The following LDLRAD4 variants were observed in gnomAD, a reference collection of about 807,000 sequenced individuals.
LDLRAD4 encodes low density lipoprotein receptor class A domain containing 4, also known as low-density lipoprotein receptor class A domain-containing protein 4.
In LDLRAD4, 5 loss-of-function variants were observed where a neutral mutation model predicts 17.0. The ratio of observed to expected loss-of-function variants is 0.29; its 90% confidence interval spans 0.15 to 0.62. The LOEUF is 0.62. Among genes scored for constraint, LDLRAD4 ranks in the 20% least tolerant of loss-of-function variants. The pLI, the probability that LDLRAD4 is intolerant of heterozygous loss-of-function variation, is 0.84. For missense variants in LDLRAD4, 340 were observed against 424.7 expected (o/e 0.80, Z 1.75); for synonymous variants, 168 against 171.8 (o/e 0.98, Z 0.17).
intron 1 of LDLRAD4, among the ~76,000 whole-genome samples, chr18:13,246,656 G>A (rs1272529525): frequency 6.6e-6 from 1 of 152,234 alleles, no homozygotes; most frequent in Non-Finnish European, 1.5e-5. Flanking sequence ...TGATCCATGG[G>A]CTTAGAATCC....
intron 1 of LDLRAD4, among the ~76,000 whole-genome samples, chr18:13,265,690 G>A (rs2146034593): frequency 6.6e-6 from 1 of 152,280 alleles, no homozygotes; most frequent in East Asian, 1.9e-4. Context: ...CCGAGGACTT[G>A]TCACTCAGTC....
At chr18:13,392,812 TA>T (rs2086376673) in intron 2 of LDLRAD4, among the ~76,000 whole-genome samples, 1 of 152,224 alleles carries the variant, frequency 6.6e-6, no homozygotes, top group South Asian at 2.1e-4. Flanking sequence ...CTATAGAATT[TA>T]TAGCGAGTCT....
At chr18:13,400,265 AAAGAG>A (rs1358386221) in intron 2 of LDLRAD4, among the ~76,000 whole-genome samples, 1 of 152,204 alleles carries the variant, frequency 6.6e-6, no homozygotes, top group Non-Finnish European at 1.5e-5. Flanking sequence ...GCGTGGGGTA[AAAGAG>A]AGGGAATCAT....
rs2039742196 is a variant in LDLRAD4 at position 13,612,957 on chromosome 18, T to C, written c.182-8160T>C. 4 of 613,426 alleles carry C rather than the reference T, an allele frequency of 6.5e-6. No homozygotes were observed. The East Asian group carries it at 1.1e-4, about 17-fold the overall frequency. 38.0% of individuals were successfully genotyped at this position (613,426 alleles called of 1,614,324 possible). ...CCGGGTGGGACTCCCTTTAGGAAGATGCATGTCAGGCTTTTTCATCTTCTT... is the reference window on the plus strand; with the variant it reads ...CCGGGTGGGACTCCCTTTAGGAAGACGCATGTCAGGCTTTTTCATCTTCTT... On this transcript the variant is annotated intron_variant, in intron 3 of 5. Coordinates refer to ENST00000359446, the Ensembl canonical transcript of LDLRAD4.
chr18:13,621,086 G>A lies in LDLRAD4; in HGVS notation c.182-31G>A, dbSNP rs376779198. 1.9e-6 allele frequency: 3 copies of A among 1,614,038 alleles called. No individual in the cohort carries two copies. The highest frequency in any genetic ancestry group is 2.5e-6 in the Non-Finnish European group (3 of 1,179,994). ...GAATGGGTGGGGACTGGAGGGGCCA[G>A]GTGGCTAACCACTCTCCTCTTCCAT... On this transcript the variant is annotated intron_variant, in intron 3 of 5. Transcript: ENST00000359446. This position sits in a 1 kb window ranked among gnomAD's most constrained non-coding sequence, Gnocchi z 5.5.
chr18:13,342,861 C>G (rs547178305), intron 1 of LDLRAD4, among the ~76,000 whole-genome samples: 1 of 151,726 alleles, frequency 6.6e-6, no homozygotes, highest in African/African-American at 2.4e-5. Flanking sequence ...TAATTACGGA[C>G]AGGGAAGGAT....
At chr18:13,599,130 G>T (rs541496726) in intron 3 of LDLRAD4, among the ~76,000 whole-genome samples, 1 of 152,346 alleles carries the variant, frequency 6.6e-6, no homozygotes, top group East Asian at 1.9e-4. Flanking sequence ...GGGACGTGCT[G>T]TGCTTGCCTT....
At chr18:13,410,193 AGGAGACG>A (rs2088201220) in intron 2 of LDLRAD4, among the ~76,000 whole-genome samples, 1 of 152,138 alleles carries the variant, frequency 6.6e-6, no homozygotes, top group African/African-American at 2.4e-5. Flanking sequence ...GGGGGCGCTA[AGGAGACG>A]GGACAAACAC....
At chr18:13,236,080 G>A (rs558437178) in intron 1 of LDLRAD4, among the ~76,000 whole-genome samples, 3 of 152,182 alleles carry the variant, frequency 2.0e-5, no homozygotes, top group Non-Finnish European at 4.4e-5. Context: ...ACAATTTGAT[G>A]TGTGTCTTTT....
rs182375298 is a variant in LDLRAD4, at chr18:13,238,960, C to T, written c.-467+19972C>T. On this transcript the variant is annotated intron_variant, in intron 1 of 5. Coordinates refer to the LDLRAD4 transcript ENST00000399848. Reference sequence around the variant, plus strand: ...CCAGCACTTGGGAGGCTGAGGTGGGCGGATCACCTGAGGTCAGGAGTTCGA... The same window carrying T: ...CCAGCACTTGGGAGGCTGAGGTGGGTGGATCACCTGAGGTCAGGAGTTCGA... Among the ~76,000 whole-genome samples, 365 of 151,956 alleles carry T rather than the reference C, an allele frequency of 2.4e-3. 3 individuals carry two copies. The highest frequency in any genetic ancestry group is 8.3e-3 in the African/African-American group (342 of 41,438).
chr18:13,406,232 C>T (rs2087732320), intron 2 of LDLRAD4, among the ~76,000 whole-genome samples: 1 of 152,178 alleles, frequency 6.6e-6, no homozygotes, highest in South Asian at 2.1e-4. Context: ...GGTGAAATTG[C>T]AGCCCCCAAG....
chr18:13,579,611 T>C (rs190721174), intron 3 of LDLRAD4, among the ~76,000 whole-genome samples: 49 of 152,356 alleles, frequency 3.2e-4, no homozygotes, highest in Admixed American at 3.1e-3. Flanking sequence ...CCTGGGATCA[T>C]AGTGAATTTC....
chr18:13,319,932 A>T lies in LDLRAD4; in HGVS notation c.-383+41744A>T, dbSNP rs28661039. Among the ~76,000 whole-genome samples the T allele has an allele frequency of 1.6e-3, 238 of 152,368 alleles. 1 individual carries two copies. Among genetic ancestry groups the T allele is most frequent in the African/African-American group, 5.3e-3 (220 of 41,586 alleles). ...GTCTCATTTCTATTATAATTTTTATAATAAATGATTCCTTGACTGATATAC... is the reference window on the plus strand; with the variant it reads ...GTCTCATTTCTATTATAATTTTTATTATAAATGATTCCTTGACTGATATAC... On this transcript the variant is annotated intron_variant, in intron 1 of 5. Transcript: ENST00000359446.
chr18:13,470,258 A>G (rs971681006), intron 3 of LDLRAD4, among the ~76,000 whole-genome samples: 1 of 152,078 alleles, frequency 6.6e-6, no homozygotes, highest in African/African-American at 2.4e-5. Context: ...TCAGACTCAT[A>G]TTTTCATAGA....
chr18:13,550,783 G>C (rs989078204), intron 3 of LDLRAD4, among the ~76,000 whole-genome samples: 4 of 152,336 alleles, frequency 2.6e-5, no homozygotes, highest in Middle Eastern at 3.4e-3. Flanking sequence ...GAGACTCCAA[G>C]TCCGAGTCCC....
intron 3 of LDLRAD4, among the ~76,000 whole-genome samples, chr18:13,565,342 G>A (rs1416618618): frequency 6.6e-6 from 1 of 152,152 alleles, no homozygotes; most frequent in Non-Finnish European, 1.5e-5. Context: ...GTGCTGTGAG[G>A]GCCTGAACCA....
chr18:13,334,906 G>A (rs1372066747), intron 1 of LDLRAD4, among the ~76,000 whole-genome samples: 2 of 152,098 alleles, frequency 1.3e-5, no homozygotes, highest in Non-Finnish European at 2.9e-5. Context: ...TGAATTTTAT[G>A]TCATAGCTTT....
chr18:13,568,976 C>T (rs563993911), intron 3 of LDLRAD4, among the ~76,000 whole-genome samples: 113 of 152,220 alleles, frequency 7.4e-4, no homozygotes, highest in African/African-American at 2.6e-3. Context: ...CACCTGCACC[C>T]TCTACCCAAT....
chr18:13,301,716 T>C (rs1159615440), intron 1 of LDLRAD4, among the ~76,000 whole-genome samples: 1 of 152,230 alleles, frequency 6.6e-6, no homozygotes, highest in Non-Finnish European at 1.5e-5. Flanking sequence ...TGTGTGAATT[T>C]TGTGACCCTC....
Sources: gnomAD v4.1 joint callset for allele counts (sites outside exome capture counted in the v4.1 genomes callset) on GRCh38, gnomAD v4.1.1 for gene constraint, Gnocchi (gnomAD v3.1) non-coding constraint, MANE v1.5 for transcripts, NCBI Gene and HGNC (gene_info 2026-07-23, HGNC 2026-07-21) for gene names.